Variants in ZNF747 observed in about 807,000 individuals in gnomAD.
The protein encoded by ZNF747 is zinc finger protein 747, also known as KRAB domain-containing protein ZNF747.
A neutral mutation model predicts 13.4 loss-of-function variants in ZNF747; 14 were observed. The ratio of observed to expected loss-of-function variants is 1.04; its 90% CI spans 0.69 to 1.63. The LOEUF is 1.63. Among genes scored for constraint, ZNF747 ranks in the 40% most tolerant of loss-of-function variants. The probability of loss-of-function intolerance (pLI) is 0.00; values close to 1 mark genes in which losing one functional copy is unlikely to be tolerated. For missense variants in ZNF747, 532 were observed against 477.9 expected, an observed-to-expected ratio of 1.11 and a Z score of -1.05; for synonymous variants, 212 against 206.5, an observed-to-expected ratio of 1.03 and a Z score of -0.23.
At chr16:30,534,082 T>C in intron 2 of ZNF747, 115 bp downstream of exon 2, 1 of 1,368,562 alleles carries the variant, frequency 7.3e-7, no homozygotes, top group South Asian at 1.6e-5. Context: ...CTGGCCGCAG[T>C]TGAGGAGGCA....
rs2051394847 is a variant in ZNF747, at chr16:30,532,731, G to C, written c.764C>G (p.Ser255Cys). The C allele has an allele frequency of 3.9e-6, 6 of 1,541,178 alleles. No individual in the cohort carries two copies. The highest frequency in any genetic ancestry group is 5.2e-6 in the Non-Finnish European group (6 of 1,147,128). ...CTCGCCAGTGTGAACGCGCAGGTGAGAAGTCAGCGCCGTGCGGCGCATGAA... is the reference window on the plus strand; with the variant it reads ...CTCGCCAGTGTGAACGCGCAGGTGACAAGTCAGCGCCGTGCGGCGCATGAA... ...RAFMRRTALT[S>C]HLRVHTGEKP... The change falls in exon 3 of 3, where the codon TCT becomes TGT. Residue 255 changes from serine to cysteine, a missense_variant. Physicochemically the swap from Ser to Cys is moderately radical, Grantham distance 112. Coordinates refer to ENST00000693075, the MANE Select transcript of ZNF747 (RefSeq NM_001305018.2).
At position 30,531,314 on chromosome 16, in the gene ZNF747, T is replaced by A. The variant is rs2051370676; in HGVS notation, c.*1185A>T. 6.6e-6 allele frequency: 1 copy of A among 152,178 alleles called. No homozygotes were observed. Among genetic ancestry groups the A allele is most frequent in the Admixed American group, 6.5e-5 (1 of 15,270 alleles). The allele number at this position is 152,178 out of a possible 1,614,324, so 9.4% of individuals were successfully genotyped here. On this transcript the variant is annotated 3_prime_UTR_variant, in exon 3 of 3. Coordinates refer to ENST00000693075, the MANE Select transcript of ZNF747 (RefSeq NM_001305018.2). ...AACTGCGACTTTCTGAGAGCCTAGGTGAACTTGCGAAATCTTTGGATTTTT... is the reference window on the plus strand; with the variant it reads ...AACTGCGACTTTCTGAGAGCCTAGGAGAACTTGCGAAATCTTTGGATTTTT...
At position 30,532,857 on chromosome 16, in the gene ZNF747, G is replaced by A. The variant is rs778682617; in HGVS notation, c.638C>T (p.Ala213Val). The change falls in exon 3 of 3, where the codon GCA (alanine) becomes GTA (valine). Residue 213 changes from alanine to valine, a missense_variant. Coordinates refer to ENST00000693075, the MANE Select transcript of ZNF747 (RefSeq NM_001305018.2). ...SHRGEKPFHC[A>V]DCGKGFGHAS... ...GTGGCCGAAGCCCTTGCCGCAGTCT[G>A]CGCAGTGGAAGGGCTTCTCGCCCCT... 1.9e-6 allele frequency: 3 copies of A among 1,587,842 alleles called. No individual in the cohort carries two copies. The African/African-American group carries it at 4.0e-5, about 21-fold the overall frequency.
At position 30,534,188 on chromosome 16, in the gene ZNF747, A is replaced by C. The variant is rs1369775329; in HGVS notation, c.343+9T>G. 1.9e-6 allele frequency: 3 copies of C among 1,609,974 alleles called. No homozygotes were observed. Among genetic ancestry groups the C allele is most frequent in the Non-Finnish European group, 1.7e-6 (2 of 1,178,046 alleles). On this transcript the variant is annotated intron_variant, in intron 2 of 2. Coordinates refer to ENST00000693075, the MANE Select transcript of ZNF747 (RefSeq NM_001305018.2). The stretch of plus-strand genomic sequence containing the variant: ...AAGTCCCCATGGGACTGAGCACCCG[A>C]TACTCCACCTGGGTCCGCTTCTGTC...
chr16:30,533,769 A>C (rs1344519091), intron 2 of ZNF747, among the ~76,000 whole-genome samples: 3 of 145,872 alleles, frequency 2.1e-5, no homozygotes, highest in East Asian at 1.9e-4. Context: ...AAAAAAAAAA[A>C]CCAGCCAGGC....
chr16:30,534,186 C>T lies in ZNF747; in HGVS notation c.343+11G>A. ...AGAAGTCCCCATGGGACTGAGCACC[C>T]GATACTCCACCTGGGTCCGCTTCTG... On this transcript the variant is annotated intron_variant, in intron 2 of 2. Transcript: ENST00000693075. 6.2e-7 allele frequency: 1 copy of T among 1,609,092 alleles called. No homozygotes were observed. The highest frequency in any genetic ancestry group is 8.5e-7 in the Non-Finnish European group (1 of 1,177,578).
At chr16:30,533,627 G>A (rs2051411334) in intron 2 of ZNF747, among the ~76,000 whole-genome samples, 1 of 152,008 alleles carries the variant, frequency 6.6e-6, no homozygotes, top group South Asian at 2.1e-4. Flanking sequence ...GAACCTAGAG[G>A]CCGGGTGCAG....
chr16:30,532,677 C>T lies in ZNF747; in HGVS notation c.818G>A (p.Arg273His), dbSNP rs1204918273. ...CATGCCGGTCTTCAGGCCGAAGCAG[C>T]GGCCACACTGCGGGCAGCGGTAGGG... Reference protein sequence around the residue: ...EKPYRCPQCGRCFGLKTGMAK... With the variant: ...EKPYRCPQCGHCFGLKTGMAK... The change falls in exon 3 of 3, where the codon CGC (arginine) becomes CAC (histidine). Residue 273 changes from arginine (R) to histidine (H), a missense_variant. By Grantham distance (29) the Arg-to-His change is conservative. Coordinates refer to ENST00000693075, the MANE Select transcript of ZNF747 (RefSeq NM_001305018.2). 21 of 1,538,746 alleles carry T rather than the reference C, an allele frequency of 1.4e-5. No homozygotes were observed. The highest frequency in any genetic ancestry group is 1.6e-5 in the Non-Finnish European group (18 of 1,146,836).
chr16:30,534,553 C>A lies in ZNF747; in HGVS notation c.127G>T (p.Ala43Ser), dbSNP rs1460459844. 2 of 1,607,680 alleles carry A rather than the reference C, an allele frequency of 1.2e-6. No homozygotes were observed. Residue 43 changes from alanine (A) to serine (S), a missense_variant, in exon 1 of 3, where the codon GCC becomes TCC. By Grantham distance (99) the Ala-to-Ser change is moderately conservative (BLOSUM62 1). Transcript: ENST00000693075. ...KPGAVSFADV[A>S]VYFSREEWGC... ...CACTCCTCCCGGGAGAAGTACACGG[C>A]CACGTCGGCGAAGCTCACGGCCCCG... is the stretch of plus-strand genomic sequence containing the variant.
At position 30,532,611 on chromosome 16, in the gene ZNF747, C is replaced by T. The variant is rs1227496059; in HGVS notation, c.884G>A (p.Arg295His). 6 of 1,552,008 alleles carry T rather than the reference C, an allele frequency of 3.9e-6. No individual in the cohort carries two copies. Among genetic ancestry groups the T allele is most frequent in the Non-Finnish European group, 2.6e-6 (3 of 1,152,278 alleles). The change falls in exon 3 of 3, where the codon CGT (arginine) becomes CAT (histidine). Residue 295 changes from arginine to histidine, a missense_variant. By Grantham distance (29) the Arg-to-His change is conservative (BLOSUM62 0). Coordinates refer to ENST00000693075, the MANE Select transcript of ZNF747 (RefSeq NM_001305018.2). Reference sequence around the variant, plus strand: ...CAGCCCCCCAGGGCGCCGGCCCCTACGCCCCTCGCCCCCGGGCCGATGGAC... The same window carrying T: ...CAGCCCCCCAGGGCGCCGGCCCCTATGCCCCTCGCCCCCGGGCCGATGGAC... ...QWVHRPGGEG[R>H]RGRRPGGLSV...
rs565162901 is a variant in ZNF747 at position 30,534,139 on chromosome 16, T to C, written c.343+58A>G. On this transcript the variant is annotated intron_variant, in intron 2 of 2. Transcript: ENST00000693075. ...GCAGGTAGCTGGAGGTGGCAGAGGG[T>C]ACCGGGATGGGACAGGAACAGAGAA... 7 of 1,539,418 alleles carry C rather than the reference T, an allele frequency of 4.5e-6. No homozygotes were observed. In the African/African-American group the frequency reaches 9.7e-5, roughly 21 times the overall value.
rs775471363 is a variant in ZNF747, at chr16:30,532,979, GT to G, written c.515del (p.His172ProfsTer54). ...RRRSRPRFFA[H>X]PPVPRADQRH... is the part of the protein sequence containing the mutation. Reference sequence around the variant, plus strand: ...GCTGGTCAGCTCGGGGGACAGGGGGGTGGGCAAAAAAGCGGGGGCGACTCCG... The same window carrying G: ...GCTGGTCAGCTCGGGGGACAGGGGGGGGGCAAAAAAGCGGGGGCGACTCCG... On this transcript the variant is annotated frameshift_variant, in exon 3 of 3. Transcript: ENST00000693075. LOFTEE classifies it low-confidence loss of function (END_TRUNC). 2 of 1,607,956 alleles carry G rather than the reference GT, an allele frequency of 1.2e-6. No homozygotes were observed. Among genetic ancestry groups the G allele is most frequent in the Non-Finnish European group, 1.7e-6 (2 of 1,178,764 alleles).
At position 30,532,379 on chromosome 16, in the gene ZNF747, G is replaced by T. The variant is rs1013836517; in HGVS notation, c.*120C>A. 8.5e-7 allele frequency: 1 copy of T among 1,174,248 alleles called. No individual in the cohort carries two copies. Among genetic ancestry groups the T allele is most frequent in the Non-Finnish European group, 1.2e-6 (1 of 831,484 alleles). 72.7% of individuals were successfully genotyped at this position (1,174,248 alleles called of 1,614,324 possible). On this transcript the variant is annotated 3_prime_UTR_variant, in exon 3 of 3. Transcript: ENST00000693075. ...CTGAGAGCCCAAGATCAGACTGTCCGCACCCCAGGCCAGCTCTTGCGGTGG... is the reference window on the plus strand; with the variant it reads ...CTGAGAGCCCAAGATCAGACTGTCCTCACCCCAGGCCAGCTCTTGCGGTGG...
Position 30,534,310 on chromosome 16 carries a change from C to T in ZNF747, c.230G>A (p.Gly77Glu), listed in dbSNP as rs756222856. 71 of 1,570,444 alleles carry T rather than the reference C, an allele frequency of 4.5e-5. No homozygotes were observed. Among genetic ancestry groups the T allele is most frequent in the Non-Finnish European group, 6.1e-5 (71 of 1,158,250 alleles). The change falls in exon 2 of 3, where the codon GGA (glycine) becomes GAA (glutamate). Residue 77 changes from glycine (G) to glutamate (E), a missense_variant and splice_region_variant. Transcript: ENST00000693075. ...GAGCGCCGGCTTGCTGCCTCCGACTCCTGGGGGAGAAGAACGCAAACCCCA... is the reference window on the plus strand; with the variant it reads ...GAGCGCCGGCTTGCTGCCTCCGACTTCTGGGGGAGAAGAACGCAAACCCCA... Reference protein sequence around the residue: ...RETYGHLGALGVGGSKPALIS... With the variant: ...RETYGHLGALEVGGSKPALIS...
rs891639918 is a variant in ZNF747, at chr16:30,532,444, C to A, written c.*55G>T. ...CTGCAGGCCGCTGCAGAGGTTCGGG[C>A]CCCTGAGCCCATCTCGGGCCGCCCA... is the stretch of plus-strand genomic sequence containing the variant. On this transcript the variant is annotated 3_prime_UTR_variant, in exon 3 of 3. Transcript: ENST00000693075. The A allele has an allele frequency of 5.8e-6, 9 of 1,545,820 alleles. No individual in the cohort carries two copies. Among genetic ancestry groups the A allele is most frequent in the Middle Eastern group, 1.7e-4 (1 of 5,960 alleles).
In ZNF747 at chr16:30,531,380, C is replaced by G. The variant is rs1194920093; in HGVS notation, c.*1119G>C. 6.6e-6 allele frequency: 1 copy of G among 152,202 alleles called. No homozygotes were observed. The highest frequency in any genetic ancestry group is 2.4e-5 in the African/African-American group (1 of 41,446). 9.4% of individuals were successfully genotyped at this position (152,202 alleles called of 1,614,324 possible). A position where few individuals can be genotyped will look rare whatever the true frequency, so the allele number is the denominator to read the frequency against. ...ACCTGGATTTTGGTGCAAAATATCCCTTTAGATCTTCATCACTAATTCTTA... is the reference window on the plus strand; with the variant it reads ...ACCTGGATTTTGGTGCAAAATATCCGTTTAGATCTTCATCACTAATTCTTA... On this transcript the variant is annotated 3_prime_UTR_variant, in exon 3 of 3. Coordinates refer to ENST00000693075, the MANE Select transcript of ZNF747 (RefSeq NM_001305018.2).
chr16:30,532,684 A>T lies in ZNF747; in HGVS notation c.811T>A (p.Cys271Ser). The change falls in exon 3 of 3, where the codon TGT (cysteine) becomes AGT (serine). Residue 271 changes from cysteine to serine, a missense_variant. Physicochemically the swap from Cys to Ser is moderately radical, Grantham distance 112. Coordinates refer to ENST00000693075, the MANE Select transcript of ZNF747 (RefSeq NM_001305018.2). Reference sequence around the variant, plus strand: ...GTCTTCAGGCCGAAGCAGCGGCCACACTGCGGGCAGCGGTAGGGCTTCTCG... The same window carrying T: ...GTCTTCAGGCCGAAGCAGCGGCCACTCTGCGGGCAGCGGTAGGGCTTCTCG... ...TGEKPYRCPQ[C>S]GRCFGLKTGM... is the part of the protein sequence containing the mutation. The T allele has an allele frequency of 1.9e-6, 3 of 1,538,906 alleles. No individual in the cohort carries two copies. Among genetic ancestry groups the T allele is most frequent in the Non-Finnish European group, 1.7e-6 (2 of 1,146,798 alleles).
At position 30,533,018 on chromosome 16, in the gene ZNF747, G is replaced by A. The variant is rs1268190062; in HGVS notation, c.477C>T (p.Ser159=). 1.9e-6 allele frequency: 3 copies of A among 1,611,850 alleles called. No homozygotes were observed. The highest frequency in any genetic ancestry group is 2.5e-6 in the Non-Finnish European group (3 of 1,179,886). Residue 159 remains serine (S), a synonymous_variant, in exon 3 of 3, where the codon TCC becomes TCT. Transcript: ENST00000693075. The part of the protein sequence containing the change: ...QAPFAGLEQL[S]KARRRSRPRF... ...GGGGGCGACTCCGGCGCCGGGCCTT[G>A]GACAGCTGCTCCAACCCGGCAAAGG...
At position 30,534,514 on chromosome 16, in the gene ZNF747, G is replaced by A. The variant is rs1954176997; in HGVS notation, c.166C>T (p.Pro56Ser). ...FSREEWGCLRPAQRALYRDVM... is the reference protein window; with the variant it reads ...FSREEWGCLRSAQRALYRDVM... ...TCCCGGTACAGGGCCCTCTGCGCGG[G>A]CCGCAGGCAGCCCCACTCCTCCCGG... The change falls in exon 1 of 3, where the codon CCC (proline) becomes TCC (serine). Residue 56 changes from proline to serine, a missense_variant. Pro to Ser is a moderately conservative substitution (Grantham distance 74). Coordinates refer to ENST00000693075, the MANE Select transcript of ZNF747 (RefSeq NM_001305018.2). The A allele has an allele frequency of 6.2e-7, 1 of 1,609,106 alleles. No homozygotes were observed. Among genetic ancestry groups the A allele is most frequent in the Non-Finnish European group, 8.5e-7 (1 of 1,178,198 alleles).
Sources: gnomAD v4.1 joint callset for allele counts (sites outside exome capture counted in the v4.1 genomes callset) on GRCh38, gnomAD v4.1.1 for gene constraint, MANE v1.5 for transcripts, NCBI Gene and HGNC (gene_info 2026-07-23, HGNC 2026-07-21) for gene names.